GRID2: variants seen among roughly 807,000 people sequenced by gnomAD.
GRID2 encodes glutamate ionotropic receptor delta type subunit 2.
GRID2 carries 33 observed loss-of-function variants against 114.8 expected under a neutral mutation model. The observed-to-expected ratio is 0.29, with a 90% CI of 0.22 to 0.38. GRID2 has a LOEUF of 0.38. Ranked by LOEUF, GRID2 falls within the 10% of genes least tolerant of loss-of-function variation. The pLI is 1.00. For synonymous variants in GRID2, 505 were observed against 449.9 expected (o/e 1.12, Z -1.55); for missense variants, 1,184 against 1,257.7 (o/e 0.94, Z 0.89).
chr4:92,722,743 G>A (rs1430914203), intron 2 of GRID2, among the ~76,000 whole-genome samples: 1 of 152,026 alleles, frequency 6.6e-6, no homozygotes, highest in African/African-American at 2.4e-5. Flanking sequence ...GTCTGCTGGG[G>A]TTAGAGAAGT....
At position 93,398,753 on chromosome 4, in the gene GRID2, T is replaced by G. The variant is rs199953572; in HGVS notation, c.1347+3045T>G. On this transcript the variant is annotated intron_variant, in intron 9 of 15. Coordinates refer to ENST00000282020, the MANE Select transcript of GRID2 (RefSeq NM_001510.4). ...GACTGGAGACATGGAAGCAGTGTTT[T>G]TTTTTTTTTTTTTCAAGTCTTCTAT... is the stretch of plus-strand genomic sequence containing the variant. 3.2e-4 allele frequency among the ~76,000 whole-genome samples: 49 copies of G among 151,606 alleles called. 2 individuals carry two copies. The East Asian group carries it at 9.3e-3, about 29-fold the overall frequency.
At chr4:92,839,210 T>C (rs1742690872) in intron 2 of GRID2, among the ~76,000 whole-genome samples, 1 of 152,034 alleles carries the variant, frequency 6.6e-6, no homozygotes, top group Admixed American at 6.6e-5. Flanking sequence ...TTGGTAAACA[T>C]GACTTGGTGT....
intron 2 of GRID2, among the ~76,000 whole-genome samples, chr4:92,646,556 C>T (rs369965016): frequency 1.3e-5 from 2 of 151,938 alleles, no homozygotes; most frequent in Admixed American, 6.6e-5. Flanking sequence ...GCTTTTATAG[C>T]CTTAGCTTTT....
At chr4:93,091,911 T>C (rs1219355860) in intron 3 of GRID2, among the ~76,000 whole-genome samples, 1 of 152,176 alleles carries the variant, frequency 6.6e-6, no homozygotes, top group Non-Finnish European at 1.5e-5. Context: ...AGAAGTGTTT[T>C]GCCCAGAAAA....
At chr4:92,815,155 CAAAT>C (rs1367469437) in intron 2 of GRID2, among the ~76,000 whole-genome samples, 2 of 152,034 alleles carry the variant, frequency 1.3e-5, no homozygotes. Flanking sequence ...TAAAAAATCT[CAAAT>C]AAATATTACT....
At chr4:92,697,474 T>C (rs1367708641) in intron 2 of GRID2, among the ~76,000 whole-genome samples, 1 of 152,144 alleles carries the variant, frequency 6.6e-6, no homozygotes, top group Non-Finnish European at 1.5e-5. Context: ...CACAGCAAAC[T>C]ATGTAGTTTG....
intron 1 of GRID2, among the ~76,000 whole-genome samples, chr4:92,509,301 ATTC>A (rs1357387463): frequency 6.6e-6 from 1 of 151,916 alleles, no homozygotes; most frequent in Non-Finnish European, 1.5e-5. Flanking sequence ...CTCTTGGCTT[ATTC>A]TTCTTTGTAT....
chr4:92,962,852 C>T (rs921935514), intron 2 of GRID2, among the ~76,000 whole-genome samples: 1 of 151,946 alleles, frequency 6.6e-6, no homozygotes, highest in Non-Finnish European at 1.5e-5. Context: ...ATAGTTCCCA[C>T]AGAGGTTTCT....
chr4:92,573,739 A>T (rs1311041092), intron 1 of GRID2, among the ~76,000 whole-genome samples: 1 of 151,894 alleles, frequency 6.6e-6, no homozygotes, highest in Non-Finnish European at 1.5e-5. Flanking sequence ...CAATTATGTG[A>T]TTGATTTTAG....
intron 14 of GRID2, among the ~76,000 whole-genome samples, chr4:93,645,035 T>A (rs1721983544): frequency 6.6e-6 from 1 of 152,172 alleles, no homozygotes. Context: ...GCCTAATACA[T>A]AATAGCTGTT....
intron 1 of GRID2, among the ~76,000 whole-genome samples, chr4:92,579,397 G>A (rs963533582): frequency 2.6e-5 from 4 of 151,836 alleles, no homozygotes; most frequent in Admixed American, 6.6e-5. Flanking sequence ...TACATTCCAT[G>A]TCTTGGTGTC....
At chr4:92,799,025 A>G (rs144623732) in intron 2 of GRID2, among the ~76,000 whole-genome samples, 29 of 152,046 alleles carry the variant, frequency 1.9e-4, no homozygotes, top group African/African-American at 6.3e-4. Flanking sequence ...CAATTTTTCC[A>G]TGGGGGCTGG....
chr4:93,589,182 C>T (rs906927648), intron 13 of GRID2, among the ~76,000 whole-genome samples: 1 of 147,864 alleles, frequency 6.8e-6, no homozygotes, highest in African/African-American at 2.5e-5. Context: ...GGTATATCTC[C>T]CAATGCTATC....
intron 2 of GRID2, among the ~76,000 whole-genome samples, chr4:92,952,801 G>A (rs774790727): frequency 1.6e-4 from 24 of 152,060 alleles, no homozygotes; most frequent in Non-Finnish European, 2.5e-4. Flanking sequence ...GAATGTATTC[G>A]TTTCCTACGA....
intron 2 of GRID2, among the ~76,000 whole-genome samples, chr4:92,611,921 A>G (rs1241429445): frequency 6.6e-6 from 1 of 151,444 alleles, no homozygotes; most frequent in Non-Finnish European, 1.5e-5. Flanking sequence ...ACATGTTTGC[A>G]AGTATCTTCT....
In GRID2 at chr4:92,937,282, AT is replaced by A. The variant is rs1488894210; in HGVS notation, c.245-147709del. On this transcript the variant is annotated intron_variant, in intron 2 of 15. Coordinates refer to ENST00000282020, the MANE Select transcript of GRID2 (RefSeq NM_001510.4). ...TATTACCAAATCCAAGGTCATAGAG[AT>A]TTTCCGCATTCTTTCTTCTAAGAAT... Among the ~76,000 whole-genome samples, 6 of 146,224 alleles carry A rather than the reference AT, an allele frequency of 4.1e-5. 1 individual carries two copies. Among genetic ancestry groups the A allele is most frequent in the Non-Finnish European group, 9.1e-5 (6 of 66,114 alleles).
chr4:93,458,222 A>G (rs1560640392), intron 11 of GRID2, among the ~76,000 whole-genome samples: 1 of 152,220 alleles, frequency 6.6e-6, no homozygotes, highest in African/African-American at 2.4e-5. Context: ...TAAACCTTTC[A>G]AAGAATCAAA....
intron 14 of GRID2, among the ~76,000 whole-genome samples, chr4:93,742,370 C>G (rs1731495927): frequency 1.3e-5 from 2 of 152,136 alleles, no homozygotes; most frequent in African/African-American, 4.8e-5. Flanking sequence ...ATAGAGTATT[C>G]TGAGGATGAA....
At chr4:93,785,601 A>C (rs982732598) in intron 1 of GRID2, among the ~76,000 whole-genome samples, 1 of 152,240 alleles carries the variant, frequency 6.6e-6, no homozygotes, top group African/African-American at 2.4e-5. Context: ...TGCTTCATTA[A>C]CCGTGATAAA....
Sources: gnomAD v4.1 joint callset for allele counts (sites outside exome capture counted in the v4.1 genomes callset) on GRCh38, gnomAD v4.1.1 for gene constraint, MANE v1.5 for transcripts, NCBI Gene and HGNC (gene_info 2026-07-23, HGNC 2026-07-21) for gene names.